The following CNTLN variants were observed in gnomAD, a reference collection of about 807,000 sequenced individuals.
CNTLN encodes the protein centlein.
A neutral mutation model predicts 180.0 loss-of-function variants in CNTLN; 212 were observed. The ratio of observed to expected loss-of-function variants is 1.18; its 90% CI spans 1.05 to 1.32. The LOEUF (loss-of-function observed/expected upper bound fraction) is 1.32. CNTLN is among the 40% of genes most tolerant of loss of function. CNTLN has a pLI of 0.00. For synonymous variants in CNTLN, 722 were observed against 563.1 expected, an observed-to-expected ratio of 1.28 and a Z score of -3.99; for missense variants, 2,095 against 1,610.9, an observed-to-expected ratio of 1.30 and a Z score of -5.14.
intron 18 of CNTLN, among the ~76,000 whole-genome samples, chr9:17,426,539 C>G (rs1829095144): frequency 6.6e-6 from 1 of 151,634 alleles, no homozygotes; most frequent in East Asian, 1.9e-4. Flanking sequence ...TCCATATGTA[C>G]ATGTATATAA....
At chr9:17,149,012 C>G (rs143697697) in intron 2 of CNTLN, among the ~76,000 whole-genome samples, 1,582 of 152,218 alleles carry the variant, frequency 0.01, 30 homozygotes, top group African/African-American at 0.036. Flanking sequence ...GCTCCCCTCC[C>G]TGTGTCCATG....
rs184803327 is a variant in CNTLN at position 17,202,215 on chromosome 9, C to A, written c.450-23988C>A. ...TCTGAGAGACTGTTTATTATGATTT[C>A]TGTTTGTTTGCATTTGCTGAGGAGT... On this transcript the variant is annotated intron_variant, in intron 2 of 25. Transcript: ENST00000380647. Among the ~76,000 whole-genome samples the A allele has an allele frequency of 6.4e-4, 97 of 152,236 alleles. 1 individual carries two copies. The highest frequency in any genetic ancestry group is 2.3e-3 in the African/African-American group (96 of 41,544).
intron 8 of CNTLN, among the ~76,000 whole-genome samples, chr9:17,312,384 A>AT (rs1563985021): frequency 5.6e-5 from 6 of 108,086 alleles, no homozygotes; most frequent in African/African-American, 1.8e-4. Flanking sequence ...ATATATATAT[A>AT]ATTTATTTAT....
chr9:17,348,538 T>C (rs1194622987), intron 12 of CNTLN, among the ~76,000 whole-genome samples: 4 of 151,358 alleles, frequency 2.6e-5, no homozygotes, highest in Non-Finnish European at 4.4e-5. Context: ...CTTTCTTTTT[T>C]TTTTTTTTTT....
intron 2 of CNTLN, among the ~76,000 whole-genome samples, chr9:17,165,728 A>G (rs1392745980): frequency 1.3e-5 from 2 of 152,246 alleles, no homozygotes; most frequent in Non-Finnish European, 2.9e-5. Flanking sequence ...AACTGGGGGA[A>G]TAAGTGAATG....
intron 16 of CNTLN, among the ~76,000 whole-genome samples, chr9:17,409,774 C>G (rs1267717763): frequency 6.6e-6 from 1 of 151,936 alleles, no homozygotes; most frequent in African/African-American, 2.4e-5. Context: ...AATGATGAAA[C>G]TTCTTTTTGT....
chr9:17,194,022 T>C (rs1002966670), intron 2 of CNTLN, among the ~76,000 whole-genome samples: 7 of 152,180 alleles, frequency 4.6e-5, no homozygotes, highest in African/African-American at 1.7e-4. Context: ...TTGACTCCTT[T>C]CAGTCATGGC....
chr9:17,177,745 G>T (rs1310813543), intron 2 of CNTLN, among the ~76,000 whole-genome samples: 1 of 152,076 alleles, frequency 6.6e-6, no homozygotes, highest in Admixed American at 6.5e-5. Context: ...AGACCTTCGC[G>T]GTGAGTGTTA....
intron 6 of CNTLN, among the ~76,000 whole-genome samples, chr9:17,295,497 C>T (rs1467194208): frequency 6.6e-6 from 1 of 152,186 alleles, no homozygotes; most frequent in Non-Finnish European, 1.5e-5. Flanking sequence ...TCCTTGCTCT[C>T]TGTGGGTTGT....
At chr9:17,424,948 C>A (rs1229757809) in intron 18 of CNTLN, among the ~76,000 whole-genome samples, 1 of 152,256 alleles carries the variant, frequency 6.6e-6, no homozygotes, top group African/African-American at 2.4e-5. Flanking sequence ...TTGTGGTATT[C>A]TGTTGTAGAA....
chr9:17,298,458 T>C, intron 7 of CNTLN, 106 bp downstream of exon 7: 1 of 1,344,680 alleles, frequency 7.4e-7, no homozygotes, highest in East Asian at 2.8e-5. Context: ...TTTACTTCCT[T>C]TTACATGTGT....
At chr9:17,295,133 C>CAA (rs1817777649) in intron 6 of CNTLN, among the ~76,000 whole-genome samples, 1 of 151,268 alleles carries the variant, frequency 6.6e-6, no homozygotes, top group South Asian at 2.1e-4. Flanking sequence ...GAGTGCGGGC[C>CAA]GCCAAGCCCA....
At chr9:17,144,601 T>C (rs532515701) in intron 2 of CNTLN, among the ~76,000 whole-genome samples, 18 of 151,918 alleles carry the variant, frequency 1.2e-4, no homozygotes, top group African/African-American at 3.4e-4. Context: ...ATTTTCCTCA[T>C]TCTTTACAAT....
chr9:17,442,002 G>A (rs11792612), intron 18 of CNTLN, among the ~76,000 whole-genome samples: 20,647 of 152,196 alleles, frequency 0.14, 1,680 homozygotes, highest in Non-Finnish European at 0.18. Context: ...AAATATTTAT[G>A]TGGCAAACCT....
chr9:17,259,063 G>A (rs1826739090), intron 5 of CNTLN, among the ~76,000 whole-genome samples: 1 of 146,320 alleles, frequency 6.8e-6, no homozygotes, highest in Admixed American at 6.8e-5. Context: ...GTTTTCAAAG[G>A]GAATGCTTCC....
At chr9:17,239,325 T>G (rs2132178560) in intron 5 of CNTLN, among the ~76,000 whole-genome samples, 1 of 152,338 alleles carries the variant, frequency 6.6e-6, no homozygotes, top group East Asian at 1.9e-4. Flanking sequence ...TATTACTATC[T>G]TTGGAGAAAT....
intron 2 of CNTLN, among the ~76,000 whole-genome samples, chr9:17,147,338 C>G (rs1052185795): frequency 3.3e-5 from 5 of 152,170 alleles, no homozygotes; most frequent in African/African-American, 7.2e-5. Context: ...TAGGCAAATG[C>G]TGCAGGTAGC....
chr9:17,180,815 T>C (rs141651075), intron 2 of CNTLN, among the ~76,000 whole-genome samples: 81 of 152,318 alleles, frequency 5.3e-4, no homozygotes, highest in African/African-American at 1.9e-3. Context: ...TCACTGGTTA[T>C]ATTATAGAAT....
chr9:17,263,392 A>G (rs1587393046), intron 5 of CNTLN, among the ~76,000 whole-genome samples: 1 of 150,940 alleles, frequency 6.6e-6, no homozygotes, highest in South Asian at 2.1e-4. Context: ...TTATGGCTGC[A>G]TAGTATTCCA....
Sources: allele counts gnomAD v4.1 joint callset (sites outside exome capture counted in the v4.1 genomes callset), GRCh38; gene constraint gnomAD v4.1.1; transcripts MANE v1.5; gene names NCBI Gene and HGNC (gene_info 2026-07-23, HGNC 2026-07-21).